The following HIVEP3 variants were observed in gnomAD, a reference collection of about 807,000 sequenced individuals.
HIVEP3 encodes the protein HIVEP zinc finger 3.
Under a neutral mutation model 152.8 loss-of-function variants are expected in HIVEP3, and 49 were observed. The ratio of observed to expected loss-of-function variants is 0.32; its 90% CI spans 0.26 to 0.41. The LOEUF is 0.41. Ranked by LOEUF, HIVEP3 falls within the 10% of genes least tolerant of loss-of-function variation. The pLI is 1.00. For synonymous variants in HIVEP3, 1,269 were observed against 1,289.0 expected (o/e 0.98, Z 0.33); for missense variants, 2,790 against 3,103.3 (o/e 0.90, Z 2.40).
chr1:42,005,518 T>C (rs953960678), intron 1 of HIVEP3, among the ~76,000 whole-genome samples: 4 of 152,172 alleles, frequency 2.6e-5, no homozygotes, highest in African/African-American at 9.7e-5. Context: ...ACAGCCTTCA[T>C]TTATTTTGTA....
chr1:41,616,287 T>A (rs1280872203), intron 3 of HIVEP3, among the ~76,000 whole-genome samples: 2 of 152,220 alleles, frequency 1.3e-5, no homozygotes, highest in Admixed American at 6.5e-5. Flanking sequence ...AGCAGGGCAA[T>A]GGGCAGTGCT....
intron 1 of HIVEP3, among the ~76,000 whole-genome samples, chr1:41,883,108 A>T (rs1181672642): frequency 6.6e-6 from 1 of 152,168 alleles, no homozygotes; most frequent in African/African-American, 2.4e-5. Flanking sequence ...CAGGGGCAGC[A>T]TTCAGACTAC....
In HIVEP3 at chr1:41,533,292, G is replaced by A. The variant is rs541975153; in HGVS notation, c.5208-8382C>T. Among the ~76,000 whole-genome samples the A allele has an allele frequency of 2.6e-5, 4 of 152,102 alleles. No homozygotes were observed. Among genetic ancestry groups the A allele is most frequent in the East Asian group, 1.9e-4 (1 of 5,162 alleles). ...GGGCTCTGGGTCCAGCTCCTCCTGC[G>A]GTGCCAGAGCCCACCCCACCCACTG... On this transcript the variant is annotated intron_variant, in intron 5 of 8. Coordinates refer to ENST00000372583, the MANE Select transcript of HIVEP3 (RefSeq NM_024503.5). This position sits in a 1 kb window ranked among gnomAD's most constrained non-coding sequence, Gnocchi z 4.3.
At chr1:41,991,528 T>A (rs1317921858) in intron 1 of HIVEP3, among the ~76,000 whole-genome samples, 1 of 144,934 alleles carries the variant, frequency 6.9e-6, no homozygotes, top group African/African-American at 2.6e-5. Flanking sequence ...CCAAAAAGAG[T>A]CCAGGACCAG....
At chr1:41,638,279 A>AAAGAAAG (rs1299237114) in intron 2 of HIVEP3, among the ~76,000 whole-genome samples, 1 of 150,978 alleles carries the variant, frequency 6.6e-6, no homozygotes, top group Non-Finnish European at 1.5e-5. Flanking sequence ...AGAAAGAAAG[A>AAAGAAAG]AAGAGGAAGG....
chr1:41,853,150 T>C (rs1643651135), intron 1 of HIVEP3, among the ~76,000 whole-genome samples: 2 of 152,162 alleles, frequency 1.3e-5, no homozygotes, highest in Non-Finnish European at 2.9e-5. Flanking sequence ...AAATGCTGTG[T>C]TTATTGGGTT....
At chr1:41,743,366 C>T (rs1647025353) in intron 1 of HIVEP3, among the ~76,000 whole-genome samples, 1 of 152,238 alleles carries the variant, frequency 6.6e-6, no homozygotes, top group Non-Finnish European at 1.5e-5. Flanking sequence ...CCTTGTCTGT[C>T]TCTTTCAGTG....
chr1:42,000,848 T>C (rs567347077), intron 1 of HIVEP3, among the ~76,000 whole-genome samples: 2 of 152,334 alleles, frequency 1.3e-5, no homozygotes, highest in Admixed American at 1.3e-4. Flanking sequence ...AAGAGTCACC[T>C]GTTTTAGCTC....
intron 5 of HIVEP3, among the ~76,000 whole-genome samples, chr1:41,534,465 A>G (rs1643347967): frequency 6.6e-6 from 1 of 151,764 alleles, no homozygotes; most frequent in Admixed American, 6.6e-5. Flanking sequence ...AGAAATTTGC[A>G]CCAAGGTCCT....
In HIVEP3 at chr1:41,628,640, C is replaced by G. The variant is rs998469335; in HGVS notation, c.-522+109G>C. On this transcript the variant is annotated intron_variant, in intron 3 of 8. Coordinates refer to ENST00000372583, the MANE Select transcript of HIVEP3 (RefSeq NM_024503.5). ...AGGCACCAGAAAGGCAACGATAACA[C>G]TAATAATAACAATAATACATTTTTC... The G allele has an allele frequency of 3.4e-6, 3 of 879,732 alleles. No homozygotes were observed. The African/African-American group carries it at 5.2e-5, about 15-fold the overall frequency. 54.5% of individuals were successfully genotyped at this position (879,732 alleles called of 1,614,324 possible).
Position 41,511,502 on chromosome 1 carries a change from A to G in HIVEP3, c.6406-236T>C, listed in dbSNP as rs931174231. Among the ~76,000 whole-genome samples the G allele has an allele frequency of 6.6e-6, 1 of 152,112 alleles. No individual in the cohort carries two copies. The highest frequency in any genetic ancestry group is 1.5e-5 in the Non-Finnish European group (1 of 68,018). On this transcript the variant is annotated intron_variant, in intron 8 of 8. Coordinates refer to ENST00000372583, the MANE Select transcript of HIVEP3 (RefSeq NM_024503.5). The surrounding 1 kb of genome is among the most constrained non-coding windows in gnomAD (Gnocchi z 4.9). The stretch of plus-strand genomic sequence containing the variant: ...GTGACCATGAGTATGCTCAGGCCCC[A>G]TGGTCTCCATGCCTCTAGCCAGCAT...
chr1:41,734,918 G>C (rs1224771152), intron 1 of HIVEP3, among the ~76,000 whole-genome samples: 2 of 152,228 alleles, frequency 1.3e-5, no homozygotes, highest in Non-Finnish European at 2.9e-5. Context: ...GCAGTGTTAA[G>C]AGAGTGCTTA....
chr1:41,832,144 A>G (rs1285678337), intron 1 of HIVEP3, among the ~76,000 whole-genome samples: 1 of 152,190 alleles, frequency 6.6e-6, no homozygotes, highest in Non-Finnish European at 1.5e-5. Context: ...TCAGGCTTTC[A>G]GTTGTAAAAG....
In HIVEP3 at chr1:41,831,998, G is replaced by A. The variant is rs141887929; in HGVS notation, c.-801+86415C>T. 2.3e-3 allele frequency among the ~76,000 whole-genome samples: 353 copies of A among 152,238 alleles called. 1 individual carries two copies. The highest frequency in any genetic ancestry group is 4.2e-3 in the Non-Finnish European group (285 of 67,988). On this transcript the variant is annotated intron_variant, in intron 1 of 8. Coordinates refer to ENST00000372583, the MANE Select transcript of HIVEP3 (RefSeq NM_024503.5). The stretch of plus-strand genomic sequence containing the variant: ...AATCTGGACAGTCAGGGTCTAGAGC[G>A]TTGCCATTTATCCACTACACTAGAG...
chr1:41,727,907 T>A (rs1484524255), intron 1 of HIVEP3, among the ~76,000 whole-genome samples: 1 of 152,140 alleles, frequency 6.6e-6, no homozygotes, highest in Non-Finnish European at 1.5e-5. Flanking sequence ...GCTGGAAGGA[T>A]CTCCTGAGCA....
chr1:41,833,881 C>T (rs1248156801), intron 1 of HIVEP3, among the ~76,000 whole-genome samples: 1 of 152,202 alleles, frequency 6.6e-6, no homozygotes, highest in African/African-American at 2.4e-5. Flanking sequence ...TTCAAAGAAG[C>T]TACCGAGCCT....
chr1:41,595,431 GC>G (rs1644650921), intron 3 of HIVEP3, among the ~76,000 whole-genome samples: 1 of 152,156 alleles, frequency 6.6e-6, no homozygotes, highest in African/African-American at 2.4e-5. Context: ...TGAACTCTCT[GC>G]CTTTACACAT....
chr1:41,759,852 G>T (rs377007330), intron 1 of HIVEP3, among the ~76,000 whole-genome samples: 2 of 152,176 alleles, frequency 1.3e-5, no homozygotes, highest in Non-Finnish European at 1.5e-5. Context: ...GACCTCACAG[G>T]GTGGTCTAAA....
At chr1:41,687,995 CAAAT>C (rs2124102974) in intron 2 of HIVEP3, among the ~76,000 whole-genome samples, 1 of 152,100 alleles carries the variant, frequency 6.6e-6, no homozygotes, top group East Asian at 1.9e-4. Flanking sequence ...AATGAATGAA[CAAAT>C]AAATAAAGAG....
Sources: allele counts gnomAD v4.1 joint callset (sites outside exome capture counted in the v4.1 genomes callset), GRCh38; gene constraint gnomAD v4.1.1; non-coding constraint Gnocchi (gnomAD v3.1); transcripts MANE v1.5; gene names NCBI Gene and HGNC (gene_info 2026-07-23, HGNC 2026-07-21).